The following APPBP2 variants were observed in gnomAD, a reference collection of about 807,000 sequenced individuals.
APPBP2 encodes the protein amyloid beta precursor protein binding protein 2.
APPBP2 carries 15 observed loss-of-function variants against 76.0 expected under a neutral mutation model. The observed-to-expected ratio is 0.20, with a 90% confidence interval of 0.13 to 0.30. APPBP2 has a LOEUF of 0.30. Ranked by LOEUF, APPBP2 falls within the 10% of genes least tolerant of loss-of-function variation. The pLI is 1.00. For synonymous variants in APPBP2, 222 were observed against 242.2 expected (o/e 0.92, Z 0.77); for missense variants, 401 against 687.2 (o/e 0.58, Z 4.66).
chr17:60,488,103 G>C (rs1009894281), intron 3 of APPBP2, among the ~76,000 whole-genome samples: 4 of 152,156 alleles, frequency 2.6e-5, no homozygotes, highest in Non-Finnish European at 5.9e-5. Flanking sequence ...GTCTCAGAGG[G>C]GCACCTGGCT....
intron 3 of APPBP2, among the ~76,000 whole-genome samples, chr17:60,490,882 A>T (rs1472703339): frequency 2.6e-5 from 4 of 152,194 alleles, no homozygotes; most frequent in Non-Finnish European, 4.4e-5. Context: ...AGGCCTCCCC[A>T]GCCACGTGGA....
intron 12 of APPBP2, among the ~76,000 whole-genome samples, chr17:60,449,378 G>A (rs1374971091): frequency 6.6e-6 from 1 of 152,190 alleles, no homozygotes; most frequent in East Asian, 1.9e-4. Flanking sequence ...GGCTGCCTGA[G>A]GTCAGAAGTT....
At chr17:60,464,489 T>C (rs763094333) in intron 5 of APPBP2, among the ~76,000 whole-genome samples, 21 of 152,194 alleles carry the variant, frequency 1.4e-4, no homozygotes, top group Non-Finnish European at 2.8e-4. Flanking sequence ...CATTCCATCC[T>C]CCTATTGTAA....
Position 60,443,693 on chromosome 17 carries a change from A to AC in APPBP2, c.*3887dup, listed in dbSNP as rs2143256307. The AC allele has an allele frequency of 6.5e-6, 1 of 152,736 alleles. No individual in the cohort carries two copies. Among genetic ancestry groups the AC allele is most frequent in the South Asian group, 2.1e-4 (1 of 4,832 alleles). The allele number at this position is 152,736 out of a possible 1,614,324, so 9.5% of individuals were successfully genotyped here. Reference sequence around the variant, plus strand: ...TCCAACACTTAACTGTGCACCACAAACCAAGTTTTCTAGATATCTATATAT... The same window carrying AC: ...TCCAACACTTAACTGTGCACCACAAACCCAAGTTTTCTAGATATCTATATAT... On this transcript the variant is annotated 3_prime_UTR_variant, in exon 13 of 13. Transcript: ENST00000083182.
intron 10 of APPBP2, 109 bp downstream of exon 10, chr17:60,456,187 A>G (rs2090430184): frequency 1.3e-6 from 1 of 789,928 alleles, no homozygotes. Context: ...AGACACCGTC[A>G]AATCCTGTGA....
intron 3 of APPBP2, among the ~76,000 whole-genome samples, chr17:60,483,110 G>A (rs1042497050): frequency 1.3e-5 from 2 of 152,090 alleles, no homozygotes; most frequent in Non-Finnish European, 2.9e-5. Context: ...ATTTTTTAAT[G>A]ATCACCATTC....
intron 3 of APPBP2, among the ~76,000 whole-genome samples, chr17:60,483,172 T>C (rs996132265): frequency 1.3e-5 from 2 of 152,238 alleles, no homozygotes; most frequent in Admixed American, 6.5e-5. Flanking sequence ...ATTTCTCTGA[T>C]GACCAGTGAT....
chr17:60,507,360 T>C (rs1297952212), intron 1 of APPBP2, among the ~76,000 whole-genome samples: 1 of 152,100 alleles, frequency 6.6e-6, no homozygotes, highest in Non-Finnish European at 1.5e-5. Flanking sequence ...TAGCTGGGAT[T>C]AAAGGCATGT....
chr17:60,492,000 T>A (rs906330641), intron 3 of APPBP2, among the ~76,000 whole-genome samples: 5 of 152,258 alleles, frequency 3.3e-5, no homozygotes, highest in Admixed American at 2.6e-4. Context: ...TTTTGTGAGT[T>A]GAGCCCAGGG....
chr17:60,475,648 TACACACACACACACACACACAC>T (rs72415327), intron 4 of APPBP2, among the ~76,000 whole-genome samples: 5 of 129,192 alleles, frequency 3.9e-5, no homozygotes, highest in African/African-American at 9.1e-5. Context: ...CAACTCTTTA[TACACACACACACACACACACAC>T]ACACACACAC....
chr17:60,509,134 C>A (rs113871064), intron 1 of APPBP2, among the ~76,000 whole-genome samples: 17 of 152,070 alleles, frequency 1.1e-4, no homozygotes, highest in Non-Finnish European at 2.2e-4. Flanking sequence ...GTAATCCCAG[C>A]ACTTTGGGAG....
Position 60,494,449 on chromosome 17 carries a change from G to A in APPBP2, c.379+17C>T. The A allele has an allele frequency of 6.2e-7, 1 of 1,600,310 alleles. No individual in the cohort carries two copies. Among genetic ancestry groups the A allele is most frequent in the Non-Finnish European group, 8.5e-7 (1 of 1,177,096 alleles). On this transcript the variant is annotated intron_variant, in intron 3 of 12. Transcript: ENST00000083182. ...GTCCATCACAGGACAAAATACTTCTGTTCCACCATTACTTACCTAAAACAA... is the reference window on the plus strand; with the variant it reads ...GTCCATCACAGGACAAAATACTTCTATTCCACCATTACTTACCTAAAACAA...
chr17:60,454,667 G>A (rs2090419547), intron 10 of APPBP2, among the ~76,000 whole-genome samples, 175 bp from the exon 11 acceptor site: 1 of 152,074 alleles, frequency 6.6e-6, no homozygotes, highest in South Asian at 2.1e-4. Context: ...TACACTTTTT[G>A]GTGGTCATTC....
intron 1 of APPBP2, among the ~76,000 whole-genome samples, chr17:60,512,171 C>T (rs1418881949): frequency 6.6e-6 from 1 of 151,474 alleles, no homozygotes; most frequent in Non-Finnish European, 1.5e-5. Context: ...GGCCCAATCT[C>T]GGCTCACTGC....
At chr17:60,479,350 T>C in intron 3 of APPBP2, 79 bp from the exon 4 acceptor site, 3 of 1,364,518 alleles carry the variant, frequency 2.2e-6, no homozygotes, top group Non-Finnish European at 3.0e-6. Context: ...ACAGTGAATA[T>C]TACCTAAATT....
intron 1 of APPBP2, among the ~76,000 whole-genome samples, chr17:60,521,502 C>G (rs1253573281): frequency 6.6e-6 from 1 of 152,180 alleles, no homozygotes; most frequent in African/African-American, 2.4e-5. Flanking sequence ...TTATACTGTA[C>G]CTTTTCCATG....
chr17:60,495,733 T>C (rs1370936874), intron 2 of APPBP2, among the ~76,000 whole-genome samples: 1 of 152,078 alleles, frequency 6.6e-6, no homozygotes, highest in East Asian at 1.9e-4. Context: ...TGAAAAAGTG[T>C]AGTGGTTCCT....
intron 3 of APPBP2, among the ~76,000 whole-genome samples, chr17:60,487,803 C>G (rs1342710447): frequency 6.6e-6 from 1 of 152,230 alleles, no homozygotes; most frequent in African/African-American, 2.4e-5. Context: ...TTCAGCTTTT[C>G]TGCTCTGGTT....
At chr17:60,483,455 G>T (rs571265513) in intron 3 of APPBP2, among the ~76,000 whole-genome samples, 3 of 151,934 alleles carry the variant, frequency 2.0e-5, no homozygotes, top group Non-Finnish European at 4.4e-5. Context: ...GTGCAGTAGC[G>T]CAATCTCGGC....
Sources: gnomAD v4.1 joint callset for allele counts (sites outside exome capture counted in the v4.1 genomes callset) on GRCh38, gnomAD v4.1.1 for gene constraint, MANE v1.5 for transcripts, NCBI Gene and HGNC (gene_info 2026-07-23, HGNC 2026-07-21) for gene names.